Variants in CTBS observed in about 807,000 individuals in gnomAD.
CTBS encodes the protein di-N-acetylchitobiase.
A neutral mutation model predicts 44.3 loss-of-function variants in CTBS; 35 were observed. The observed-to-expected ratio is 0.79, with a 90% CI of 0.60 to 1.05. The LOEUF (loss-of-function observed/expected upper bound fraction) is 1.05. Ranked by LOEUF, CTBS falls within the 50% of genes least tolerant of loss-of-function variation. The pLI is 0.00. For synonymous variants in CTBS, 143 were observed against 168.0 expected (o/e 0.85, Z 1.15); for missense variants, 458 against 475.3 (o/e 0.96, Z 0.34).
intron 1 of CTBS, among the ~76,000 whole-genome samples, chr1:84,572,454 G>C (rs1647339006): frequency 6.6e-6 from 1 of 150,850 alleles, no homozygotes; most frequent in Non-Finnish European, 1.5e-5. Context: ...AAAAAAAGCT[G>C]GGTGAACTAA....
Position 84,570,605 on chromosome 1 carries a change from T to G in CTBS, c.293A>C (p.Lys98Thr). The change falls in exon 2 of 7, where the codon AAA becomes ACA. Residue 98 changes from lysine (K) to threonine (T), a missense_variant. Transcript: ENST00000370630. ...DSELMCYAHS[K>T]GARVVLKGDV... is the part of the protein sequence containing the mutation. Reference sequence around the variant, plus strand: ...ACCTTTAAGTACTACTCTGGCTCCTTTTGAATGAGCGTAGCACATAAGTTC... The same window carrying G: ...ACCTTTAAGTACTACTCTGGCTCCTGTTGAATGAGCGTAGCACATAAGTTC... The G allele has an allele frequency of 6.2e-7, 1 of 1,613,368 alleles. No homozygotes were observed. The highest frequency in any genetic ancestry group is 2.2e-5 in the East Asian group (1 of 44,878).
In CTBS at chr1:84,555,195, G is replaced by A; in HGVS notation, c.962C>T (p.Pro321Leu). 1.2e-6 allele frequency: 2 copies of A among 1,609,278 alleles called. No individual in the cohort carries two copies. The highest frequency in any genetic ancestry group is 1.7e-6 in the Non-Finnish European group (2 of 1,176,482). ...QRAPYYNYKD[P>L]AGHFHQVWYD... ...CCATACTTGATGAAAGTGGCCAGCA[G>A]GATCCTATATAAATAAATTAAAATG... Residue 321 changes from proline to leucine, a missense_variant, in exon 7 of 7, where the codon CCT becomes CTT. By Grantham distance (98) the Pro-to-Leu change is moderately conservative. Transcript: ENST00000370630.
In CTBS at chr1:84,569,957, AAG is replaced by A. The variant is rs1450729433; in HGVS notation, c.497_498del (p.Ser166PhefsTer4). 3 of 1,610,168 alleles carry A rather than the reference AAG, an allele frequency of 1.9e-6. No individual in the cohort carries two copies. Among genetic ancestry groups the A allele is most frequent in the African/African-American group, 1.3e-5 (1 of 74,784 alleles). On this transcript the variant is annotated frameshift_variant, in exon 3 of 7. Coordinates refer to ENST00000370630, the MANE Select transcript of CTBS (RefSeq NM_004388.3). LOFTEE classifies it high-confidence loss of function. ...TGTGATCCCTCAATTTCACGATGGA[AAG>A]AGTCTGTAGTTTCTTTGACTAAAGC... Reference protein sequence around the residue: ...LTALVKETTDSFHREIEGSQV... With the variant: ...LTALVKETTDXFHREIEGSQV...
Position 84,551,045 on chromosome 1 carries a change from A to C in CTBS, c.*3954T>G. The C allele has an allele frequency of 1.0e-6, 1 of 985,312 alleles. No individual in the cohort carries two copies. The highest frequency in any genetic ancestry group is 1.2e-6 in the Non-Finnish European group (1 of 829,876). 61.0% of individuals were successfully genotyped at this position (985,312 alleles called of 1,614,324 possible). ...GTTTCTCCCATGGGACCTTTTGTAT[A>C]GCAGATGCTTAGTAGAGGCTTCTGG... On this transcript the variant is annotated 3_prime_UTR_variant, in exon 7 of 7. Coordinates refer to ENST00000370630, the MANE Select transcript of CTBS (RefSeq NM_004388.3).
At chr1:84,564,880 C>A (rs1174405333) in intron 4 of CTBS, among the ~76,000 whole-genome samples, 1 of 151,556 alleles carries the variant, frequency 6.6e-6, no homozygotes. Context: ...AAAAAAAAAT[C>A]TTTTTTAAAT....
chr1:84,574,263 C>T lies in CTBS; in HGVS notation c.153G>A (p.Pro51=). Residue 51 remains proline, a synonymous_variant, in exon 1 of 7, where the codon CCG becomes CCA. Transcript: ENST00000370630. ...CPCPEPELCR[P]IRHHPDFEVF... The stretch of plus-strand genomic sequence containing the variant: ...CCTCGAAATCTGGATGGTGGCGAAT[C>T]GGGCGGCAGAGCTCAGGCTCCGGGC... The T allele has an allele frequency of 6.2e-7, 1 of 1,602,062 alleles. No homozygotes were observed. The highest frequency in any genetic ancestry group is 8.5e-7 in the Non-Finnish European group (1 of 1,175,352).
Position 84,570,109 on chromosome 1 carries a change from G to C in CTBS, c.347C>G (p.Pro116Arg). The C allele has an allele frequency of 6.2e-7, 1 of 1,613,232 alleles. No individual in the cohort carries two copies. The highest frequency in any genetic ancestry group is 1.1e-5 in the South Asian group (1 of 90,988). ...GDVSLKDIID[P>R]AFRASWIAQK... ...AGCTATCCAGGATGCTCTGAAAGCA[G>C]GATCAATGATATCCTTTAAGGATAC... Residue 116 changes from proline (P) to arginine (R), a missense_variant, in exon 3 of 7, where the codon CCT (proline) becomes CGT (arginine). Transcript: ENST00000370630.
intron 4 of CTBS, among the ~76,000 whole-genome samples, chr1:84,565,119 A>G (rs1684666496): frequency 6.6e-6 from 1 of 152,062 alleles, no homozygotes. Flanking sequence ...GCTAAGGCTG[A>G]GCTTGTGAGG....
Position 84,553,253 on chromosome 1 carries a change from TG to T in CTBS, c.*1745del. The T allele has an allele frequency of 1.8e-6, 1 of 541,422 alleles. No homozygotes were observed. Among genetic ancestry groups the T allele is most frequent in the Non-Finnish European group, 3.2e-6 (1 of 311,544 alleles). The allele number at this position is 541,422 out of a possible 1,614,324, so 33.5% of individuals were successfully genotyped here. On this transcript the variant is annotated 3_prime_UTR_variant, in exon 7 of 7. Coordinates refer to ENST00000370630, the MANE Select transcript of CTBS (RefSeq NM_004388.3). Reference sequence around the variant, plus strand: ...GGTTTCTCTTTCTCCACTTTCCATGTGGGTATTACAAAATGTTTCAGGAAAT... The same window carrying T: ...GGTTTCTCTTTCTCCACTTTCCATGTGGTATTACAAAATGTTTCAGGAAAT...
chr1:84,551,369 A>G lies in CTBS; in HGVS notation c.*3630T>C, dbSNP rs1684265520. The G allele has an allele frequency of 1.3e-6, 1 of 758,816 alleles. No individual in the cohort carries two copies. Among genetic ancestry groups the G allele is most frequent in the Non-Finnish European group, 1.6e-6 (1 of 624,008 alleles). The allele number at this position is 758,816 out of a possible 1,614,324, so 47.0% of individuals were successfully genotyped here. A position where few individuals can be genotyped will look rare whatever the true frequency, so the allele number is the denominator to read the frequency against. On this transcript the variant is annotated 3_prime_UTR_variant, in exon 7 of 7. Transcript: ENST00000370630. ...ACTGTCCTCGGTTTCAGATAAAAAT[A>G]AAAATAAATAAAATTTAAAAATAAA...
Position 84,569,933 on chromosome 1 carries a change from G to T in CTBS, c.523C>A (p.Gln175Lys). The change falls in exon 3 of 7, where the codon CAG becomes AAG. Residue 175 changes from glutamine (Q) to lysine (K), a missense_variant and splice_region_variant. Gln to Lys is a moderately conservative substitution (Grantham distance 53, BLOSUM62 1). Transcript: ENST00000370630. ...CCAAAAAATAAATGAGTTTTTACCT[G>T]TGATCCCTCAATTTCACGATGGAAA... is the stretch of plus-strand genomic sequence containing the variant. ...DSFHREIEGS[Q>K]VTFDVAWSPK... 1 of 1,609,778 alleles carries T rather than the reference G, an allele frequency of 6.2e-7. No individual in the cohort carries two copies. Among genetic ancestry groups the T allele is most frequent in the Non-Finnish European group, 8.5e-7 (1 of 1,178,950 alleles).
intron 1 of CTBS, among the ~76,000 whole-genome samples, chr1:84,571,472 A>C (rs1321142384): frequency 6.6e-6 from 1 of 152,246 alleles, no homozygotes; most frequent in Admixed American, 6.5e-5. Context: ...GCTTCTTAGA[A>C]TAGTACCTAG....
intron 2 of CTBS, 82 bp downstream of exon 2, chr1:84,570,500 C>A (rs2102031571): frequency 7.8e-7 from 1 of 1,276,922 alleles, no homozygotes; most frequent in Admixed American, 2.3e-5. Context: ...CATAAAAGGA[C>A]TTTTTTGGAA....
chr1:84,561,630 A>G lies in CTBS; in HGVS notation c.957+1627T>C, dbSNP rs1331886978. Among the ~76,000 whole-genome samples, 7 of 152,310 alleles carry G rather than the reference A, an allele frequency of 4.6e-5. No homozygotes were observed. In the East Asian group the frequency reaches 1.3e-3, roughly 29 times the overall value. The stretch of plus-strand genomic sequence containing the variant: ...GAAATCTTTCGTGAAAGGAAGAGTC[A>G]ATTGACGTGGCAAACTTCACTGTTG... On this transcript the variant is annotated intron_variant, in intron 6 of 6. Transcript: ENST00000370630.
intron 6 of CTBS, among the ~76,000 whole-genome samples, chr1:84,557,727 G>A (rs1425591123): frequency 2.0e-5 from 3 of 150,760 alleles, no homozygotes; most frequent in African/African-American, 7.3e-5. Flanking sequence ...GCTTGGTGGC[G>A]GGCACCTGTA....
rs900465366 is a variant in CTBS at position 84,550,977 on chromosome 1, G to A, written c.*4022C>T. ...ATGAATAATGTGTCTTCTACTAGAT[G>A]TTAAGTTTCCTTCCTGGCAGAGACT... On this transcript the variant is annotated 3_prime_UTR_variant, in exon 7 of 7. Coordinates refer to ENST00000370630, the MANE Select transcript of CTBS (RefSeq NM_004388.3). 1.0e-5 allele frequency: 10 copies of A among 983,726 alleles called. No individual in the cohort carries two copies. Among genetic ancestry groups the A allele is most frequent in the Non-Finnish European group, 1.2e-5 (10 of 828,634 alleles). 60.9% of individuals were successfully genotyped at this position (983,726 alleles called of 1,614,324 possible).
intron 1 of CTBS, among the ~76,000 whole-genome samples, chr1:84,572,876 A>G (rs1287867224): frequency 6.6e-6 from 1 of 152,030 alleles, no homozygotes; most frequent in Non-Finnish European, 1.5e-5. Context: ...ACGGGGTTTC[A>G]CCATGTTGGC....
rs1187992497 is a variant in CTBS at position 84,551,370 on chromosome 1, A to T, written c.*3629T>A. 53 of 755,116 alleles carry T rather than the reference A, an allele frequency of 7.0e-5. No homozygotes were observed. Among genetic ancestry groups the T allele is most frequent in the Non-Finnish European group, 8.4e-5 (52 of 620,502 alleles). 46.8% of individuals were successfully genotyped at this position (755,116 alleles called of 1,614,324 possible). ...CTGTCCTCGGTTTCAGATAAAAATA[A>T]AAATAAATAAAATTTAAAAATAAAA... On this transcript the variant is annotated 3_prime_UTR_variant, in exon 7 of 7. Coordinates refer to ENST00000370630, the MANE Select transcript of CTBS (RefSeq NM_004388.3).
intron 3 of CTBS, among the ~76,000 whole-genome samples, chr1:84,567,210 G>A (rs936622435): frequency 6.6e-6 from 1 of 152,064 alleles, no homozygotes; most frequent in Non-Finnish European, 1.5e-5. Context: ...GTGAATATTA[G>A]CACTTTATAA....
Sources: gnomAD v4.1 joint callset for allele counts (sites outside exome capture counted in the v4.1 genomes callset) on GRCh38, gnomAD v4.1.1 for gene constraint, MANE v1.5 for transcripts, NCBI Gene and HGNC (gene_info 2026-07-23, HGNC 2026-07-21) for gene names.